SYNE1: variants seen among roughly 807,000 people sequenced by gnomAD.
SYNE1 encodes the protein spectrin repeat containing nuclear envelope protein 1.
In SYNE1, 616 loss-of-function variants were observed where a neutral mutation model predicts 1,111.0. The ratio of observed to expected loss-of-function variants is 0.55; its 90% CI spans 0.52 to 0.59. The LOEUF (loss-of-function observed/expected upper bound fraction) is 0.59. SYNE1 is among the 20% of genes least tolerant of loss of function. SYNE1 has a pLI of 0.00. For missense variants in SYNE1, 10,006 were observed against 10,417.0 expected (o/e 0.96, Z 1.72); for synonymous variants, 3,855 against 3,825.8 (o/e 1.01, Z -0.28).
chr6:152,221,303 A>G (rs1182097791), intron 118 of SYNE1, 123 bp downstream of exon 118: 4 of 1,293,410 alleles, frequency 3.1e-6, no homozygotes, highest in East Asian at 2.5e-5. Flanking sequence ...TCATGTTGTG[A>G]AAGAGAAGTT....
In SYNE1 at chr6:152,189,449, G is replaced by A. The variant is rs770837387; in HGVS notation, c.23146-42C>T. ...ACTTGAATACCCACGGACATCTCCT[G>A]CCAATGATTTCTGAAGTGTTTTTGA... On this transcript the variant is annotated intron_variant, in intron 127 of 145. Coordinates refer to ENST00000367255, the MANE Select transcript of SYNE1 (RefSeq NM_182961.4). 4 of 1,601,004 alleles carry A rather than the reference G, an allele frequency of 2.5e-6. No individual in the cohort carries two copies. In the Admixed American group the frequency reaches 6.7e-5, roughly 27 times the overall value.
At chr6:152,350,792 A>AT in intron 70 of SYNE1, 22 bp from the exon 71 acceptor site, 1 of 1,613,680 alleles carries the variant, frequency 6.2e-7, no homozygotes, top group Non-Finnish European at 8.5e-7. Flanking sequence ...AAGAAAAAAA[A>AT]ATGAGCCTGC....
chr6:152,184,162 G>A (rs929949559), intron 128 of SYNE1, among the ~76,000 whole-genome samples: 1 of 152,166 alleles, frequency 6.6e-6, no homozygotes, highest in East Asian at 1.9e-4. Context: ...ATGGCCAGGC[G>A]CACTGGCTCA....
At chr6:152,212,257 T>C (rs1024999167) in intron 123 of SYNE1, among the ~76,000 whole-genome samples, 7 of 152,144 alleles carry the variant, frequency 4.6e-5, no homozygotes, top group Non-Finnish European at 8.8e-5. Flanking sequence ...AGAAAGTCCA[T>C]CCTCATTAGC....
intron 104 of SYNE1, among the ~76,000 whole-genome samples, chr6:152,252,059 C>G (rs1273706844): frequency 6.6e-6 from 1 of 151,992 alleles, no homozygotes; most frequent in Non-Finnish European, 1.5e-5. Context: ...GACCTGAGGT[C>G]GGGAGTTCGA....
chr6:152,461,430 T>A (rs2098733541), intron 21 of SYNE1, among the ~76,000 whole-genome samples, 167 bp downstream of exon 21: 1 of 152,108 alleles, frequency 6.6e-6, no homozygotes, highest in Admixed American at 6.6e-5. Context: ...GCATCATAGT[T>A]TTATTTTTTT....
At chr6:152,224,280 A>G (rs148112417) in intron 117 of SYNE1, among the ~76,000 whole-genome samples, 13 of 152,344 alleles carry the variant, frequency 8.5e-5, no homozygotes, top group African/African-American at 2.9e-4. Context: ...CTTGGAAACC[A>G]TTTAGTTATA....
intron 37 of SYNE1, 63 bp downstream of exon 37, chr6:152,428,142 A>G: frequency 6.3e-7 from 1 of 1,598,756 alleles, no homozygotes; most frequent in East Asian, 2.2e-5. Flanking sequence ...CATCACTTTA[A>G]GAACTGCTAA....
At chr6:152,185,875 C>T (rs1293969033) in intron 128 of SYNE1, among the ~76,000 whole-genome samples, 1 of 152,138 alleles carries the variant, frequency 6.6e-6, no homozygotes, top group East Asian at 1.9e-4. Flanking sequence ...CATTTTTATA[C>T]AACACTTTTC....
chr6:152,474,771 T>A (rs2154282781), intron 14 of SYNE1: 2 of 152,320 alleles, frequency 1.3e-5, no homozygotes, highest in Admixed American at 1.3e-4. Context: ...TCAATTTTGT[T>A]AAATATCTAA....
chr6:152,493,647 G>C (rs966406322), intron 11 of SYNE1, among the ~76,000 whole-genome samples: 5 of 152,038 alleles, frequency 3.3e-5, no homozygotes, highest in Admixed American at 3.3e-4. Context: ...ATTCTCAAAA[G>C]GATAATGCAA....
intron 10 of SYNE1, among the ~76,000 whole-genome samples, chr6:152,500,824 G>A (rs553541174): frequency 2.2e-4 from 34 of 151,786 alleles, no homozygotes; most frequent in East Asian, 1.8e-3. Context: ...GGTGGCGGGC[G>A]CCTGTAGTCC....
intron 117 of SYNE1, among the ~76,000 whole-genome samples, chr6:152,222,691 A>C (rs757414996): frequency 6.6e-6 from 1 of 152,176 alleles, no homozygotes; most frequent in Non-Finnish European, 1.5e-5. Context: ...GAACTCATAG[A>C]AGTAGAGAGT....
At position 152,336,645 on chromosome 6, in the gene SYNE1, C is replaced by T. The variant is rs77971808; in HGVS notation, c.12528+196G>A. On this transcript the variant is annotated intron_variant, in intron 76 of 145. Transcript: ENST00000367255. Reference sequence around the variant, plus strand: ...TAATGCTTGCTCGCCTCCCACTGTGCGGCCAGGTTCCTAACAGGACATGGA... The same window carrying T: ...TAATGCTTGCTCGCCTCCCACTGTGTGGCCAGGTTCCTAACAGGACATGGA... 1.2e-3 allele frequency: 798 copies of T among 692,606 alleles called. 6 individuals are homozygous for T. The highest frequency in any genetic ancestry group is 0.011 in the African/African-American group (626 of 56,764). 42.9% of individuals were successfully genotyped at this position (692,606 alleles called of 1,614,324 possible).
In SYNE1 at chr6:152,329,958, C is replaced by T. The variant is rs767294195; in HGVS notation, c.14727G>A (p.Gly4909=). Residue 4909 remains glycine, a synonymous_variant, in exon 78 of 146, where the codon GGG becomes GGA. Transcript: ENST00000367255. ...WLRRVKAELS[G]PVYLDLNLQD... ...GCAGGTTGAGGTCTAGGTACACCGGCCCACTGAGCTCTGCCTTCACTCTCC... is the reference window on the plus strand; with the variant it reads ...GCAGGTTGAGGTCTAGGTACACCGGTCCACTGAGCTCTGCCTTCACTCTCC... The T allele has an allele frequency of 7.4e-5, 119 of 1,614,068 alleles. 1 individual carries two copies. Among genetic ancestry groups the T allele is most frequent in the South Asian group, 5.7e-4 (52 of 91,084 alleles).
rs1457025126 is a variant in SYNE1 at position 152,430,571 on chromosome 6, C to G, written c.4600G>C (p.Glu1534Gln). 1 of 1,614,138 alleles carries G rather than the reference C, an allele frequency of 6.2e-7. No individual in the cohort carries two copies. The highest frequency in any genetic ancestry group is 1.7e-5 in the Admixed American group (1 of 60,016). Residue 1534 changes from glutamate (E) to glutamine (Q), a missense_variant, in exon 35 of 146, where the codon GAA (glutamate) becomes CAA (glutamine). Glu to Gln is a conservative substitution (Grantham distance 29). This residue lies in a region of SYNE1 where 1,971 missense variants were observed against 2,084.1 expected (regional missense o/e 0.95). Coordinates refer to ENST00000367255, the MANE Select transcript of SYNE1 (RefSeq NM_182961.4). ...CACTGTGCATGCTCTCGAAGCTCTT[C>G]CCCGTATCTTCTTATTTGTGTCAAC... ...AKLTQIRRYG[E>Q]ELREHAQCLE...
chr6:152,437,569 C>A (rs2098485028), intron 32 of SYNE1, among the ~76,000 whole-genome samples: 1 of 151,690 alleles, frequency 6.6e-6, no homozygotes, highest in South Asian at 2.1e-4. Context: ...TACTTATTTT[C>A]AACTATTTTA....
At chr6:152,150,674 T>C (rs1321104670) in intron 135 of SYNE1, among the ~76,000 whole-genome samples, 16 of 152,222 alleles carry the variant, frequency 1.1e-4, no homozygotes, top group Admixed American at 1.0e-3. Flanking sequence ...ATTTGTTAAA[T>C]ACTCCCACTT....
At chr6:152,252,300 TA>T (rs1038776277) in intron 104 of SYNE1, among the ~76,000 whole-genome samples, 5 of 151,716 alleles carry the variant, frequency 3.3e-5, no homozygotes, top group African/African-American at 1.2e-4. Flanking sequence ...AATAAATAAA[TA>T]AATAATAAAA....
Sources: allele counts gnomAD v4.1 joint callset (sites outside exome capture counted in the v4.1 genomes callset), GRCh38; gene constraint gnomAD v4.1.1; regional missense constraint gnomAD v4.1.1; transcripts MANE v1.5; gene names NCBI Gene and HGNC (gene_info 2026-07-23, HGNC 2026-07-21).